HMG20B: variants seen among roughly 807,000 people sequenced by gnomAD.
HMG20B encodes the protein SWI/SNF-related matrix-associated actin-dependent regulator of chromatin subfamily E member 1-related.
Under a neutral mutation model 41.6 loss-of-function variants are expected in HMG20B, and 24 were observed. That is an observed-to-expected ratio of 0.58 (90% CI 0.42 to 0.81). The LOEUF (loss-of-function observed/expected upper bound fraction) is 0.81. Ranked by LOEUF, HMG20B falls within the 30% of genes least tolerant of loss-of-function variation. HMG20B has a pLI of 0.00. For synonymous variants in HMG20B, 251 were observed against 186.6 expected (o/e 1.34, Z -2.81); for missense variants, 461 against 444.0 (o/e 1.04, Z -0.34).
At position 3,577,985 on chromosome 19, in the gene HMG20B, G is replaced by A. The variant is rs1388306355; in HGVS notation, c.813G>A (p.Thr271=). 1 of 1,596,802 alleles carries A rather than the reference G, an allele frequency of 6.3e-7. No homozygotes were observed. Among genetic ancestry groups the A allele is most frequent in the South Asian group, 1.1e-5 (1 of 89,732 alleles). ...ASFASLPVPG[T]GETPTLGTLD... The stretch of plus-strand genomic sequence containing the variant: ...ACCTTCCCGCCTGTCCCCCAGGCAC[G>A]GGCGAAACGCCCACGCTGGGCACTC... Residue 271 remains threonine, a synonymous_variant, in exon 9 of 10, where the codon ACG becomes ACA. Coordinates refer to ENST00000333651, the MANE Select transcript of HMG20B (RefSeq NM_006339.3).
At chr19:3,578,301 C>T (rs1599858059) in intron 9 of HMG20B, 188 bp downstream of exon 9, 1 of 1,122,112 alleles carries the variant, frequency 8.9e-7, no homozygotes, top group South Asian at 1.7e-5. Context: ...AACCCCGGGC[C>T]GGCGGGACCC....
Position 3,577,977 on chromosome 19 carries a change from C to A in HMG20B, c.809-4C>A. 6.3e-7 allele frequency: 1 copy of A among 1,592,292 alleles called. No homozygotes were observed. On this transcript the variant is annotated splice_polypyrimidine_tract_variant and splice_region_variant and intron_variant, in intron 8 of 9. Transcript: ENST00000333651. ...CTCGCCTGACCTTCCCGCCTGTCCCCCAGGCACGGGCGAAACGCCCACGCT... is the reference window on the plus strand; with the variant it reads ...CTCGCCTGACCTTCCCGCCTGTCCCACAGGCACGGGCGAAACGCCCACGCT...
At chr19:3,576,516 A>T in intron 6 of HMG20B, 37 bp from the exon 7 acceptor site, 1 of 1,584,608 alleles carries the variant, frequency 6.3e-7, no homozygotes, top group Non-Finnish European at 8.6e-7. Flanking sequence ...GCTGCCTCCT[A>T]CCACCAGTAA....
At chr19:3,573,098 C>T in intron 1 of HMG20B, 104 bp downstream of exon 1, 1 of 510,500 alleles carries the variant, frequency 2.0e-6, no homozygotes, top group Non-Finnish European at 3.4e-6. Flanking sequence ...CGGCCCAGGC[C>T]TCCCGGGGGG....
Position 3,578,456 on chromosome 19 carries a change from TG to T in HMG20B, c.942-48del, listed in dbSNP as rs367565763. The T allele has an allele frequency of 2.8e-3, 4,163 of 1,474,554 alleles. 84 individuals carry two copies. In the African/African-American group the frequency reaches 0.053, roughly 19 times the overall value. The allele number at this position is 1,474,554 out of a possible 1,614,324, so 91.3% of individuals were successfully genotyped here. On this transcript the variant is annotated intron_variant, in intron 9 of 9. Coordinates refer to ENST00000333651, the MANE Select transcript of HMG20B (RefSeq NM_006339.3). ...TCTCTGGGGTTCCCCAGGGCCGGGG[TG>T]GGGGCCAGAGATGATGAGGGCCTCA...
chr19:3,576,952 C>A lies in HMG20B; in HGVS notation c.653C>A (p.Ala218Glu). ...KMNVAFEEQN[A>E]VLQRHTQSMS... The stretch of plus-strand genomic sequence containing the variant: ...AATGTGGCCTTCGAGGAGCAGAACG[C>A]GGTACTGCAGAGGCACACGCAGAGC... Residue 218 changes from alanine to glutamate, a missense_variant, in exon 8 of 10, where the codon GCG (alanine) becomes GAG (glutamate). By Grantham distance (107) the Ala-to-Glu change is moderately radical. Transcript: ENST00000333651. 2 of 1,583,028 alleles carry A rather than the reference C, an allele frequency of 1.3e-6. No individual in the cohort carries two copies. Among genetic ancestry groups the A allele is most frequent in the African/African-American group, 2.7e-5 (2 of 74,412 alleles).
intron 5 of HMG20B, 29 bp from the exon 6 acceptor site, chr19:3,576,232 C>T (rs2032158869): frequency 1.2e-6 from 2 of 1,611,190 alleles, no homozygotes. Flanking sequence ...GCCTGGGAGG[C>T]TGACCCTGCC....
At chr19:3,575,716 C>T (rs142347575) in intron 5 of HMG20B, 56 bp downstream of exon 5, 352 of 1,477,770 alleles carry the variant, frequency 2.4e-4, no homozygotes, top group African/African-American at 9.7e-4. Context: ...TTTGGGAGGC[C>T]GAGGCGGGTG....
chr19:3,578,661 T>C lies in HMG20B; in HGVS notation c.*140T>C. 2.7e-6 allele frequency: 3 copies of C among 1,130,132 alleles called. No homozygotes were observed. The highest frequency in any genetic ancestry group is 2.6e-6 in the Non-Finnish European group (2 of 765,306). The allele number at this position is 1,130,132 out of a possible 1,614,324, so 70.0% of individuals were successfully genotyped here. The stretch of plus-strand genomic sequence containing the variant: ...CTTGGGGGCTCCAGCCCCCCTAAAA[T>C]TAAATTTCTGCAGCATCCCTTTAGC... On this transcript the variant is annotated 3_prime_UTR_variant, in exon 10 of 10. Transcript: ENST00000333651.
At position 3,578,810 on chromosome 19, in the gene HMG20B, CCACCCCCAGGACA is replaced by C. The variant is rs1230194661; in HGVS notation, c.*292_*304del. On this transcript the variant is annotated 3_prime_UTR_variant, in exon 10 of 10. Transcript: ENST00000333651. ...CCACGCGCTACACTGGCTCTCCGGG[CCACCCCCAGGACA>C]CAGGGCAGACGAAACCCACCCCCAG... The C allele has an allele frequency of 1.4e-6, 1 of 703,754 alleles. No homozygotes were observed. The highest frequency in any genetic ancestry group is 1.4e-5 in the South Asian group (1 of 69,012). The allele number at this position is 703,754 out of a possible 1,614,324, so 43.6% of individuals were successfully genotyped here. A position where few individuals can be genotyped will look rare whatever the true frequency, so the allele number is the denominator to read the frequency against.
chr19:3,574,144 C>G (rs948527882), intron 3 of HMG20B: 1 of 616,540 alleles, frequency 1.6e-6, no homozygotes, highest in South Asian at 1.9e-5. Context: ...TCAACGCCAA[C>G]CCTGTACTCA....
rs772488918 is a variant in HMG20B, at chr19:3,578,546, A to G, written c.*25A>G. On this transcript the variant is annotated 3_prime_UTR_variant, in exon 10 of 10. Coordinates refer to ENST00000333651, the MANE Select transcript of HMG20B (RefSeq NM_006339.3). ...AGGAGTGGGCGGGCCCACGATGCAG[A>G]GGAGAAGCTGTGGGCGCGGCCCTGC... 4.5e-6 allele frequency: 7 copies of G among 1,567,984 alleles called. No homozygotes were observed. The Admixed American group carries it at 5.6e-5, about 13-fold the overall frequency.
In HMG20B at chr19:3,577,966, C is replaced by T. The variant is rs1229761250; in HGVS notation, c.809-15C>T. The T allele has an allele frequency of 1.3e-6, 2 of 1,579,138 alleles. No homozygotes were observed. Among genetic ancestry groups the T allele is most frequent in the African/African-American group, 1.3e-5 (1 of 74,448 alleles). The stretch of plus-strand genomic sequence containing the variant: ...TCCCCGGCACCCTCGCCTGACCTTC[C>T]CGCCTGTCCCCCAGGCACGGGCGAA... On this transcript the variant is annotated splice_polypyrimidine_tract_variant and intron_variant, in intron 8 of 9. Coordinates refer to ENST00000333651, the MANE Select transcript of HMG20B (RefSeq NM_006339.3).
rs965407403 is a variant in HMG20B, at chr19:3,578,654, C to G, written c.*133C>G. ...CCTGCACCTTGGGGGCTCCAGCCCC[C>G]CTAAAATTAAATTTCTGCAGCATCC... is the stretch of plus-strand genomic sequence containing the variant. On this transcript the variant is annotated 3_prime_UTR_variant, in exon 10 of 10. Coordinates refer to ENST00000333651, the MANE Select transcript of HMG20B (RefSeq NM_006339.3). 2 of 1,205,636 alleles carry G rather than the reference C, an allele frequency of 1.7e-6. No individual in the cohort carries two copies. Among genetic ancestry groups the G allele is most frequent in the African/African-American group, 1.5e-5 (1 of 66,536 alleles). The allele number at this position is 1,205,636 out of a possible 1,614,324, so 74.7% of individuals were successfully genotyped here. A position where few individuals can be genotyped will look rare whatever the true frequency, so the allele number is the denominator to read the frequency against.
chr19:3,577,195 T>A, intron 8 of HMG20B, 88 bp downstream of exon 8: 2 of 876,228 alleles, frequency 2.3e-6, no homozygotes, highest in South Asian at 1.9e-5. Flanking sequence ...CCTTCCCCTG[T>A]CGCCCGGCGC....
At chr19:3,575,325 C>G (rs2032133941) in intron 4 of HMG20B, among the ~76,000 whole-genome samples, 1 of 152,018 alleles carries the variant, frequency 6.6e-6, no homozygotes, top group African/African-American at 2.4e-5. Context: ...TTTGTCAGGG[C>G]TGGAGGTGGG....
chr19:3,574,060 C>G, intron 3 of HMG20B: 2 of 649,922 alleles, frequency 3.1e-6, no homozygotes, highest in East Asian at 2.8e-5. Context: ...GCGGCACCCT[C>G]CCCTTGGTCC....
chr19:3,573,974 C>T (rs774386718), intron 3 of HMG20B, 174 bp downstream of exon 3: 1 of 719,980 alleles, frequency 1.4e-6, no homozygotes, highest in South Asian at 1.5e-5. Flanking sequence ...CTCTGCCACT[C>T]TAAGTCCAGG....
chr19:3,578,637 T>C lies in HMG20B; in HGVS notation c.*116T>C. On this transcript the variant is annotated 3_prime_UTR_variant, in exon 10 of 10. Coordinates refer to ENST00000333651, the MANE Select transcript of HMG20B (RefSeq NM_006339.3). ...TTGGGGCCTGGTCCCATCCTGCACCTTGGGGGCTCCAGCCCCCCTAAAATT... is the reference window on the plus strand; with the variant it reads ...TTGGGGCCTGGTCCCATCCTGCACCCTGGGGGCTCCAGCCCCCCTAAAATT... 5 of 1,321,516 alleles carry C rather than the reference T, an allele frequency of 3.8e-6. No individual in the cohort carries two copies. Among genetic ancestry groups the C allele is most frequent in the East Asian group, 2.5e-5 (1 of 39,894 alleles). The allele number at this position is 1,321,516 out of a possible 1,614,324, so 81.9% of individuals were successfully genotyped here.
Sources: gnomAD v4.1 joint callset for allele counts (sites outside exome capture counted in the v4.1 genomes callset) on GRCh38, gnomAD v4.1.1 for gene constraint, MANE v1.5 for transcripts, NCBI Gene and HGNC (gene_info 2026-07-23, HGNC 2026-07-21) for gene names.